Variants in VSTM2A observed in about 807,000 individuals in gnomAD.
VSTM2A encodes V-set and transmembrane domain containing 2A, also known as V-set and transmembrane domain-containing protein 2A.
In VSTM2A, 13 loss-of-function variants were observed where a neutral mutation model predicts 27.3. The observed-to-expected ratio is 0.48, with a 90% CI of 0.31 to 0.76. The LOEUF is 0.76. VSTM2A is among the 30% of genes least tolerant of loss of function. VSTM2A has a pLI of 0.05. For missense variants in VSTM2A, 280 were observed against 310.0 expected (o/e 0.90, Z 0.73); for synonymous variants, 142 against 125.7 (o/e 1.13, Z -0.87).
chr7:54,555,599 A>G (rs2692098), intron 4 of VSTM2A, among the ~76,000 whole-genome samples: 1,885 of 152,158 alleles, frequency 0.012, 22 homozygotes, highest in Non-Finnish European at 0.018. Flanking sequence ...TTGAAGCCCT[A>G]ACTGTGCCTT....
intron 2 of VSTM2A, 71 bp from the exon 3 acceptor site, chr7:54,546,876 G>T (rs1788011222): frequency 2.5e-6 from 4 of 1,585,430 alleles, no homozygotes; most frequent in Admixed American, 3.4e-5. Context: ...AGCCGCGAAG[G>T]CTATGCTCGC....
At chr7:54,564,600 A>G (rs966999532) in intron 4 of VSTM2A, among the ~76,000 whole-genome samples, 1 of 152,066 alleles carries the variant, frequency 6.6e-6, no homozygotes, top group African/African-American at 2.4e-5. Flanking sequence ...AAATACCCAC[A>G]TCCTCTTCTG....
chr7:54,549,578 G>T (rs536577469), intron 3 of VSTM2A, among the ~76,000 whole-genome samples: 12 of 152,304 alleles, frequency 7.9e-5, no homozygotes, highest in Admixed American at 1.3e-4. Flanking sequence ...GTAGACAATG[G>T]GGGGCACGTG....
chr7:54,542,404 G>A lies in VSTM2A; in HGVS notation c.-327G>A. On this transcript the variant is annotated 5_prime_UTR_variant, in exon 1 of 5. Coordinates refer to ENST00000402613, the MANE Select transcript of VSTM2A (RefSeq NM_001301009.2). ...CCCGAGCCGGCTCCGTGTTTAGGGA[G>A]GGCAGTGATCACGCAAGCCGGAGCG... 2.3e-6 allele frequency: 1 copy of A among 428,130 alleles called. No individual in the cohort carries two copies. The highest frequency in any genetic ancestry group is 4.2e-6 in the Non-Finnish European group (1 of 239,480). The allele number at this position is 428,130 out of a possible 1,614,324, so 26.5% of individuals were successfully genotyped here. A position where few individuals can be genotyped will look rare whatever the true frequency, so the allele number is the denominator to read the frequency against.
chr7:54,550,829 T>G (rs1160928472), intron 4 of VSTM2A: 4 of 152,826 alleles, frequency 2.6e-5, no homozygotes, highest in Non-Finnish European at 5.9e-5. Context: ...CATTAATGTA[T>G]GCAGTCATTC....
At chr7:54,547,133 A>G (rs534274678) in intron 3 of VSTM2A, 136 bp downstream of exon 3, 17 of 873,682 alleles carry the variant, frequency 1.9e-5, no homozygotes, top group African/African-American at 3.5e-5. Context: ...CATTAGATAC[A>G]TACAAATGGA....
chr7:54,544,547 T>C (rs1787880256), intron 1 of VSTM2A, 75 bp from the exon 2 acceptor site: 1 of 1,583,546 alleles, frequency 6.3e-7, no homozygotes, highest in South Asian at 1.1e-5. Flanking sequence ...AGGAAAAATG[T>C]AGCGAGCTCT....
At chr7:54,546,560 C>CCG (rs1491304306) in intron 2 of VSTM2A, 4 of 146,122 alleles carry the variant, frequency 2.7e-5, no homozygotes, top group East Asian at 1.6e-4. Flanking sequence ...TGGCGCCCCC[C>CCG]CGCCTGCCCG....
At position 54,542,707 on chromosome 7, in the gene VSTM2A, A is replaced by C. The variant is rs775111324; in HGVS notation, c.-24A>C. ...GGCTTTTCGGCTGTTGGCTACACTG[A>C]TGTGACCCCCCTCCCTTTTTGGAAT... is the stretch of plus-strand genomic sequence containing the variant. On this transcript the variant is annotated 5_prime_UTR_variant, in exon 1 of 5. The change abolishes an upstream ATG in the 5' untranslated region. Coordinates refer to ENST00000402613, the MANE Select transcript of VSTM2A (RefSeq NM_001301009.2). 1.3e-5 allele frequency: 21 copies of C among 1,611,714 alleles called. No homozygotes were observed. The South Asian group carries it at 2.3e-4, about 18-fold the overall frequency.
chr7:54,565,576 G>A (rs999238367), intron 4 of VSTM2A, among the ~76,000 whole-genome samples: 5 of 152,190 alleles, frequency 3.3e-5, no homozygotes, highest in African/African-American at 1.2e-4. Context: ...AGGGCAAGAG[G>A]CACGAGAACA....
intron 2 of VSTM2A, chr7:54,546,333 G>C (rs913615885): frequency 2.4e-5 from 4 of 163,652 alleles, no homozygotes; most frequent in African/African-American, 9.7e-5. Flanking sequence ...GGAAAATAGC[G>C]GGAGGAGGGG....
intron 4 of VSTM2A, chr7:54,558,380 T>C (rs888759730): frequency 6.6e-6 from 1 of 152,186 alleles, no homozygotes; most frequent in African/African-American, 2.4e-5. Context: ...ATCTACCAGC[T>C]TGTTACTTTG....
Position 54,543,338 on chromosome 7 carries a change from G to T in VSTM2A, c.79+529G>T, listed in dbSNP as rs534071761. Reference sequence around the variant, plus strand: ...CAAGCAGCAGCAGCCTGCTGAACCCGATTGTTCAGGACTTCGTAGGCTGCA... The same window carrying T: ...CAAGCAGCAGCAGCCTGCTGAACCCTATTGTTCAGGACTTCGTAGGCTGCA... On this transcript the variant is annotated intron_variant, in intron 1 of 4. Coordinates refer to ENST00000402613, the MANE Select transcript of VSTM2A (RefSeq NM_001301009.2). Among the ~76,000 whole-genome samples the T allele has an allele frequency of 2.0e-5, 3 of 152,212 alleles. No individual in the cohort carries two copies. In the East Asian group the frequency reaches 5.8e-4, roughly 29 times the overall value.
intron 3 of VSTM2A, 67 bp downstream of exon 3, chr7:54,547,064 A>C: frequency 6.7e-7 from 1 of 1,489,048 alleles, no homozygotes; most frequent in East Asian, 2.6e-5. Flanking sequence ...CCTGTCCCCG[A>C]GAAGGCGGCT....
At chr7:54,548,650 A>T (rs1393644909) in intron 3 of VSTM2A, among the ~76,000 whole-genome samples, 1 of 152,200 alleles carries the variant, frequency 6.6e-6, no homozygotes, top group Non-Finnish European at 1.5e-5. Flanking sequence ...TTGTTAGGAG[A>T]TTTAACCCAG....
At chr7:54,561,442 C>T (rs1788559730) in intron 4 of VSTM2A, among the ~76,000 whole-genome samples, 1 of 152,124 alleles carries the variant, frequency 6.6e-6, no homozygotes, top group African/African-American at 2.4e-5. Context: ...AAAAACAGCC[C>T]TTGGACCATC....
At position 54,549,923 on chromosome 7, in the gene VSTM2A, G is replaced by T; in HGVS notation, c.387G>T (p.Val129=). 1.2e-6 allele frequency: 2 copies of T among 1,613,874 alleles called. No homozygotes were observed. The highest frequency in any genetic ancestry group is 1.3e-5 in the African/African-American group (1 of 75,042). The change falls in exon 4 of 5, where the codon GTG becomes GTT. Residue 129 remains valine (V), a synonymous_variant. Coordinates refer to ENST00000402613, the MANE Select transcript of VSTM2A (RefSeq NM_001301009.2). ...ATGAAGGCTTATATGAGTGCAGGGT[G>T]ACTGATGCCAACTACGGGGAGCTTC... ...KKDEGLYECR[V]TDANYGELQE...
chr7:54,544,902 T>C, intron 2 of VSTM2A, 114 bp downstream of exon 2: 5 of 1,297,822 alleles, frequency 3.9e-6, no homozygotes, highest in Middle Eastern at 2.8e-4. Context: ...CCTGCCCGGT[T>C]CTGTGGAAGC....
At chr7:54,552,386 A>T (rs1407081149) in intron 4 of VSTM2A, 1 of 152,188 alleles carries the variant, frequency 6.6e-6, no homozygotes. Flanking sequence ...CTTATGTGTA[A>T]GTTCCTATAC....
Sources: allele counts gnomAD v4.1 joint callset (sites outside exome capture counted in the v4.1 genomes callset), GRCh38; gene constraint gnomAD v4.1.1; transcripts MANE v1.5; gene names NCBI Gene and HGNC (gene_info 2026-07-23, HGNC 2026-07-21).